PPP2R2C: variants seen among roughly 807,000 people sequenced by gnomAD.
The protein encoded by PPP2R2C is protein phosphatase 2, regulatory subunit B, gamma.
In PPP2R2C, 10 loss-of-function variants were observed where a neutral mutation model predicts 45.3. The ratio of observed to expected loss-of-function variants is 0.22; its 90% CI spans 0.14 to 0.37. The LOEUF (loss-of-function observed/expected upper bound fraction) is 0.37. Among genes scored for constraint, PPP2R2C ranks in the 10% least tolerant of loss-of-function variants. PPP2R2C has a pLI of 1.00. For missense variants in PPP2R2C, 308 were observed against 619.7 expected (o/e 0.50, Z 5.34); for synonymous variants, 257 against 245.4 (o/e 1.05, Z -0.44).
intron 1 of PPP2R2C, among the ~76,000 whole-genome samples, chr4:6,548,078 C>T (rs577536156): frequency 3.3e-5 from 5 of 152,210 alleles, no homozygotes; most frequent in African/African-American, 1.2e-4. Context: ...ATTAACCAGG[C>T]ATGGTGGTGG....
intron 2 of PPP2R2C, among the ~76,000 whole-genome samples, chr4:6,505,809 T>C (rs1272773804): frequency 6.6e-6 from 1 of 151,932 alleles, no homozygotes; most frequent in African/African-American, 2.4e-5. Context: ...CTACTAAAAA[T>C]ACAAAAATTA....
intron 2 of PPP2R2C, among the ~76,000 whole-genome samples, chr4:6,505,584 T>C (rs887551294): frequency 2.0e-5 from 3 of 152,214 alleles, no homozygotes; most frequent in African/African-American, 4.8e-5. Flanking sequence ...TAAGGATGTA[T>C]AGTATAATCC....
chr4:6,348,922 C>G (rs1245821232), intron 5 of PPP2R2C: 1 of 862,658 alleles, frequency 1.2e-6, no homozygotes, highest in African/African-American at 1.8e-5. Context: ...GGCAGTATCC[C>G]TGACTGTTAC....
chr4:6,421,353 C>G (rs1718948795), intron 1 of PPP2R2C, among the ~76,000 whole-genome samples: 1 of 152,128 alleles, frequency 6.6e-6, no homozygotes, highest in South Asian at 2.1e-4. Context: ...TCCCAGGCTG[C>G]CATTTTAAAA....
intron 2 of PPP2R2C, among the ~76,000 whole-genome samples, chr4:6,503,830 C>G (rs1723135299): frequency 6.6e-6 from 1 of 151,388 alleles, no homozygotes; most frequent in Admixed American, 6.6e-5. Flanking sequence ...AATTCTGCTT[C>G]TAGCAATGCT....
At chr4:6,530,413 C>T (rs1724356945) in intron 2 of PPP2R2C, among the ~76,000 whole-genome samples, 1 of 152,160 alleles carries the variant, frequency 6.6e-6, no homozygotes, top group Non-Finnish European at 1.5e-5. Context: ...CCCAGCAGCC[C>T]CGTGAAACCC....
Position 6,323,274 on chromosome 4 carries a change from G to A in PPP2R2C, c.*28C>T. Reference sequence around the variant, plus strand: ...GTCGGGGATGACTTGCATGAGGCTGGGTGGCAGGGGCCGGGAACTGCACAT... The same window carrying A: ...GTCGGGGATGACTTGCATGAGGCTGAGTGGCAGGGGCCGGGAACTGCACAT... On this transcript the variant is annotated 3_prime_UTR_variant, in exon 9 of 9. Transcript: ENST00000382599. The A allele has an allele frequency of 6.4e-7, 1 of 1,564,764 alleles. No individual in the cohort carries two copies. Among genetic ancestry groups the A allele is most frequent in the South Asian group, 1.2e-5 (1 of 84,020 alleles).
intron 5 of PPP2R2C, among the ~76,000 whole-genome samples, chr4:6,362,816 A>G (rs1713909082): frequency 6.6e-6 from 1 of 152,188 alleles, no homozygotes; most frequent in African/African-American, 2.4e-5. Flanking sequence ...ATGACAGTTA[A>G]GTGCATGGTT....
At chr4:6,365,249 G>C (rs1714185775) in intron 5 of PPP2R2C, among the ~76,000 whole-genome samples, 1 of 152,212 alleles carries the variant, frequency 6.6e-6, no homozygotes, top group Admixed American at 6.5e-5. Context: ...GGCAGAGCTG[G>C]AGTAAGAACC....
chr4:6,435,178 T>C (rs1484634739), intron 1 of PPP2R2C, among the ~76,000 whole-genome samples: 1 of 152,226 alleles, frequency 6.6e-6, no homozygotes, highest in Non-Finnish European at 1.5e-5. Context: ...TGTTCTAATA[T>C]TTCTCTCTCT....
intron 1 of PPP2R2C, among the ~76,000 whole-genome samples, chr4:6,464,837 T>C: frequency 6.7e-6 from 1 of 149,646 alleles, no homozygotes; most frequent in Admixed American, 6.7e-5. Flanking sequence ...ACAAATGGTG[T>C]TCATTCCTGC....
At chr4:6,491,806 C>A (rs1722707762) in intron 2 of PPP2R2C, among the ~76,000 whole-genome samples, 1 of 152,220 alleles carries the variant, frequency 6.6e-6, no homozygotes, top group South Asian at 2.1e-4. Context: ...CCTACTTCCC[C>A]TTGGCTTTCT....
chr4:6,546,849 G>C (rs1032359028), intron 1 of PPP2R2C, among the ~76,000 whole-genome samples: 1 of 152,192 alleles, frequency 6.6e-6, no homozygotes, highest in African/African-American at 2.4e-5. Context: ...GTGAAGCGGG[G>C]GCTCTGCCGA....
chr4:6,362,032 G>T (rs1348696454), intron 5 of PPP2R2C, among the ~76,000 whole-genome samples: 1 of 152,092 alleles, frequency 6.6e-6, no homozygotes, highest in Admixed American at 6.5e-5. Flanking sequence ...GGGTGTGTGT[G>T]TGTTGGAGGG....
chr4:6,416,118 C>A (rs1718563085), intron 1 of PPP2R2C, among the ~76,000 whole-genome samples: 1 of 152,222 alleles, frequency 6.6e-6, no homozygotes, highest in Non-Finnish European at 1.5e-5. Flanking sequence ...CTAAGTCCAC[C>A]ATTTTCCAAA....
At chr4:6,393,598 T>G (rs950989155) in intron 1 of PPP2R2C, among the ~76,000 whole-genome samples, 1 of 152,232 alleles carries the variant, frequency 6.6e-6, no homozygotes, top group Non-Finnish European at 1.5e-5. Flanking sequence ...CACCCAGCTC[T>G]GCTACTGCAG....
rs189482461 is a variant in PPP2R2C at position 6,524,735 on chromosome 4, G to C, written c.49+10536C>G. Among the ~76,000 whole-genome samples, 5 of 152,314 alleles carry C rather than the reference G, an allele frequency of 3.3e-5. No homozygotes were observed. In the South Asian group the frequency reaches 6.2e-4, roughly 19 times the overall value. On this transcript the variant is annotated intron_variant, in intron 2 of 9. Transcript: ENST00000506140. ...TAATCACAAACTAAGTTAGGTTGCA[G>C]TTCATTAAGAAAGGATTCATGTACA...
intron 1 of PPP2R2C, among the ~76,000 whole-genome samples, chr4:6,390,445 C>T (rs1383875413): frequency 1.3e-5 from 2 of 152,200 alleles, no homozygotes; most frequent in African/African-American, 4.8e-5. Flanking sequence ...AGGTAGAAGG[C>T]GGCCCATCCC....
chr4:6,390,959 C>T (rs1716590417), intron 1 of PPP2R2C, among the ~76,000 whole-genome samples: 1 of 152,180 alleles, frequency 6.6e-6, no homozygotes, highest in Non-Finnish European at 1.5e-5. Context: ...GGGGCAGCTC[C>T]CAGGCCTGTG....
Sources: gnomAD v4.1 joint callset for allele counts (sites outside exome capture counted in the v4.1 genomes callset) on GRCh38, gnomAD v4.1.1 for gene constraint, MANE v1.5 for transcripts, NCBI Gene and HGNC (gene_info 2026-07-23, HGNC 2026-07-21) for gene names.